PIF1: variants seen among roughly 807,000 people sequenced by gnomAD.
PIF1 encodes the protein PIF1 5'-to-3' DNA helicase.
PIF1 carries 67 observed loss-of-function variants against 62.3 expected under a neutral mutation model. The observed-to-expected ratio is 1.08, with a 90% CI of 0.88 to 1.32. PIF1 has a LOEUF of 1.32. PIF1 is among the 40% of genes most tolerant of loss of function. The probability of loss-of-function intolerance (pLI) is 0.00; values close to 1 mark genes in which losing one functional copy is unlikely to be tolerated. For synonymous variants in PIF1, 364 were observed against 379.5 expected (o/e 0.96, Z 0.47); for missense variants, 886 against 866.1 (o/e 1.02, Z -0.29).
chr15:64,816,520 C>T, intron 12 of PIF1, 54 bp downstream of exon 12: 1 of 1,605,096 alleles, frequency 6.2e-7, no homozygotes, highest in East Asian at 2.2e-5. Context: ...TCCCTCTGTC[C>T]TAGCTCCCAC....
At position 64,816,037 on chromosome 15, in the gene PIF1, C is replaced by G; in HGVS notation, c.*261G>C. ...TCTGACATCAGCTACCACACAGGCT[C>G]ATTCTCAACTGGCACAGAAAGGGTT... is the stretch of plus-strand genomic sequence containing the variant. On this transcript the variant is annotated 3_prime_UTR_variant, in exon 13 of 13. Coordinates refer to ENST00000559239, the MANE Select transcript of PIF1 (RefSeq NM_001286496.2). The G allele has an allele frequency of 6.8e-7, 1 of 1,469,306 alleles. No homozygotes were observed. Among genetic ancestry groups the G allele is most frequent in the Non-Finnish European group, 9.0e-7 (1 of 1,113,166 alleles). The allele number at this position is 1,469,306 out of a possible 1,614,324, so 91.0% of individuals were successfully genotyped here.
At chr15:64,826,661 T>C (rs113909459), upstream of PIF1, among the ~76,000 whole-genome samples, 5,440 of 26,408 alleles carry the variant, frequency 0.21, 425 homozygotes, top group Non-Finnish European at 0.34. Context: ...TATATATATA[T>C]ATATACACAC....
At position 64,819,832 on chromosome 15, in the gene PIF1, A is replaced by T. The variant is rs770624325; in HGVS notation, c.1333+15T>A. 1 of 1,611,690 alleles carries T rather than the reference A, an allele frequency of 6.2e-7. No individual in the cohort carries two copies. The highest frequency in any genetic ancestry group is 8.5e-7 in the Non-Finnish European group (1 of 1,179,976). ...CTTCCCAGCTGGTCTTGCCCAGCCC[A>T]GGCTCCCTGCTCACCTGGCAGCTCC... On this transcript the variant is annotated intron_variant, in intron 8 of 12. Transcript: ENST00000559239.
intron 9 of PIF1, chr15:64,818,628 T>G: frequency 2.3e-6 from 1 of 440,170 alleles, no homozygotes; most frequent in Non-Finnish European, 4.1e-6. Context: ...GCTTTGAAAA[T>G]GATTGGCTTG....
chr15:64,819,291 CT>C (rs760898346), intron 8 of PIF1, 68 bp from the exon 9 acceptor site: 2 of 1,063,742 alleles, frequency 1.9e-6, no homozygotes, highest in South Asian at 1.5e-5. Flanking sequence ...CCAAAAAAGA[CT>C]TTTTTTAAAT....
chr15:64,816,158 A>G lies in PIF1; in HGVS notation c.*140T>C, dbSNP rs771134545. 11 of 1,503,992 alleles carry G rather than the reference A, an allele frequency of 7.3e-6. No homozygotes were observed. Among genetic ancestry groups the G allele is most frequent in the Non-Finnish European group, 9.7e-6 (11 of 1,130,476 alleles). The allele number at this position is 1,503,992 out of a possible 1,614,324, so 93.2% of individuals were successfully genotyped here. ...AAAGTACTCTCCCTTTAACCCTGCCAGGAGGCTGAGAGTCCCTAAAAAATA... is the reference window on the plus strand; with the variant it reads ...AAAGTACTCTCCCTTTAACCCTGCCGGGAGGCTGAGAGTCCCTAAAAAATA... On this transcript the variant is annotated 3_prime_UTR_variant, in exon 13 of 13. Coordinates refer to ENST00000559239, the MANE Select transcript of PIF1 (RefSeq NM_001286496.2).
chr15:64,826,463 T>C (rs2084367944), upstream of PIF1, among the ~76,000 whole-genome samples: 1 of 150,558 alleles, frequency 6.6e-6, no homozygotes, highest in South Asian at 2.1e-4. Flanking sequence ...GCTCACTCTG[T>C]CGCCCAGGCT....
rs1015897432 is a variant in PIF1, at chr15:64,824,201, C to G, written c.135G>C (p.Leu45=). 4 of 1,355,846 alleles carry G rather than the reference C, an allele frequency of 3.0e-6. No individual in the cohort carries two copies. The highest frequency in any genetic ancestry group is 3.8e-6 in the Non-Finnish European group (4 of 1,048,714). 84.0% of individuals were successfully genotyped at this position (1,355,846 alleles called of 1,614,324 possible). A position where few individuals can be genotyped will look rare whatever the true frequency, so the allele number is the denominator to read the frequency against. ...TCAACTCGCGGCGCTCGTTGCGACC[C>G]AGGCTCAGCTCCGCGGTGCGCAGGG... ...RQALRTAELS[L]GRNERRELML... is the part of the protein sequence containing the mutation. The change falls in exon 2 of 13, where the codon CTG becomes CTC. Residue 45 remains leucine (L), a synonymous_variant. Coordinates refer to ENST00000559239, the MANE Select transcript of PIF1 (RefSeq NM_001286496.2).
At chr15:64,818,228 C>T (rs1303345036) in intron 10 of PIF1, 29 bp downstream of exon 10, 5 of 1,613,070 alleles carry the variant, frequency 3.1e-6, no homozygotes, top group Non-Finnish European at 4.2e-6. Flanking sequence ...AGCCCCGTAG[C>T]AGGACTGCCA....
chr15:64,826,086 A>T (rs1042187612), upstream of PIF1, among the ~76,000 whole-genome samples: 1 of 151,976 alleles, frequency 6.6e-6, no homozygotes, highest in African/African-American at 2.4e-5. Context: ...TTCTGGGCAG[A>T]CCACCCCAAG....
rs1304925217 is a variant in PIF1 at position 64,823,864 on chromosome 15, G to A, written c.472C>T (p.Arg158Trp). 5 of 1,388,374 alleles carry A rather than the reference G, an allele frequency of 3.6e-6. No individual in the cohort carries two copies. In the African/African-American group the frequency reaches 5.9e-5, roughly 17 times the overall value. 86.0% of individuals were successfully genotyped at this position (1,388,374 alleles called of 1,614,324 possible). A position where few individuals can be genotyped will look rare whatever the true frequency, so the allele number is the denominator to read the frequency against. The change falls in exon 2 of 13, where the codon CGG (arginine) becomes TGG (tryptophan). Residue 158 changes from arginine (R) to tryptophan (W), a missense_variant. Physicochemically the swap from Arg to Trp is moderately radical, Grantham distance 101. Transcript: ENST00000559239. Reference sequence around the variant, plus strand: ...ACCCGGGTGGCCGCCCTGAGCCGCCGCTCCTCGGGCTGCACAGGGCTGATG... The same window carrying A: ...ACCCGGGTGGCCGCCCTGAGCCGCCACTCCTCGGGCTGCACAGGGCTGATG... ...VTISPVQPEERRLRAATRVPD... is the reference protein window; with the variant it reads ...VTISPVQPEEWRLRAATRVPD...
intron 9 of PIF1, 97 bp downstream of exon 9, chr15:64,819,020 A>C: frequency 1.2e-6 from 1 of 845,814 alleles, no homozygotes; most frequent in Non-Finnish European, 1.7e-6. Context: ...AGCTGGGCCC[A>C]CTGGCTGCAG....
intron 10 of PIF1, 80 bp from the exon 11 acceptor site, chr15:64,818,171 C>CTTCCTAGT (rs1309555649): frequency 6.2e-7 from 1 of 1,611,004 alleles, no homozygotes; most frequent in African/African-American, 1.3e-5. Flanking sequence ...TGGAGCTTTC[C>CTTCCTAGT]TTCCTAGTCT....
upstream of PIF1, among the ~76,000 whole-genome samples, chr15:64,826,665 T>TATATAC (rs796684934): frequency 4.1e-3 from 176 of 42,714 alleles, no homozygotes; most frequent in Middle Eastern, 0.015. Context: ...TATATATATA[T>TATATAC]ACACACACAC....
rs773041832 is a variant in PIF1, at chr15:64,816,355, C to T, written c.1869G>A (p.Glu623=). ...AGGCTGCCTCATCATCATCTGGGGA[C>T]TCCTGGATCAGAGCCAGAGAAGCCC... ...TLRRGRSLSL[E]SPDDDEAASD... The change falls in exon 13 of 13, where the codon GAG becomes GAA. Residue 623 remains glutamate, a splice_region_variant and synonymous_variant. Coordinates refer to ENST00000559239, the MANE Select transcript of PIF1 (RefSeq NM_001286496.2). 4.3e-6 allele frequency: 7 copies of T among 1,613,954 alleles called. No individual in the cohort carries two copies.
intron 4 of PIF1, 179 bp from the exon 5 acceptor site, chr15:64,821,699 G>A (rs571299312): frequency 1.6e-6 from 1 of 628,030 alleles, no homozygotes; most frequent in Admixed American, 3.5e-5. Context: ...AACCTCCATA[G>A]TAGCTGGGAC....
At chr15:64,821,995 C>T in intron 4 of PIF1, 1 of 427,732 alleles carries the variant, frequency 2.3e-6, no homozygotes, top group Non-Finnish European at 4.2e-6. Flanking sequence ...CTGCCTCGGC[C>T]TCCCAAAGTG....
In PIF1 at chr15:64,815,785, GTGTT is replaced by G. The variant is rs1567081908; in HGVS notation, c.*509_*512del. ...ATGTTCTTTGGTTAGGCTCTGAAGGGTGTTTGTTCTGGGCTGGGCTAGGCTGGGC... is the reference window on the plus strand; with the variant it reads ...ATGTTCTTTGGTTAGGCTCTGAAGGGTGTTCTGGGCTGGGCTAGGCTGGGC... On this transcript the variant is annotated 3_prime_UTR_variant, in exon 13 of 13. Transcript: ENST00000559239. 1 of 1,550,648 alleles carries G rather than the reference GTGTT, an allele frequency of 6.4e-7. No individual in the cohort carries two copies.
intron 8 of PIF1, 114 bp downstream of exon 8, chr15:64,819,733 C>T: frequency 7.0e-7 from 1 of 1,429,150 alleles, no homozygotes; most frequent in Non-Finnish European, 9.5e-7. Flanking sequence ...ATATGAGGGC[C>T]TTTATGGCTT....
Sources: gnomAD v4.1 joint callset for allele counts (sites outside exome capture counted in the v4.1 genomes callset) on GRCh38, gnomAD v4.1.1 for gene constraint, MANE v1.5 for transcripts, NCBI Gene and HGNC (gene_info 2026-07-23, HGNC 2026-07-21) for gene names.